The following ITPR2 variants were observed in gnomAD, a reference collection of about 807,000 sequenced individuals.
The protein encoded by ITPR2 is inositol 1,4,5-trisphosphate receptor type 2.
A neutral mutation model predicts 317.1 loss-of-function variants in ITPR2; 207 were observed. The observed-to-expected ratio is 0.65, with a 90% CI of 0.58 to 0.73. ITPR2 has a LOEUF of 0.73. ITPR2 is among the 30% of genes least tolerant of loss of function. The probability of loss-of-function intolerance (pLI) is 0.00; values close to 1 mark genes in which losing one functional copy is unlikely to be tolerated. For synonymous variants in ITPR2, 1,156 were observed against 1,149.1 expected (o/e 1.01, Z -0.12); for missense variants, 2,613 against 3,284.0 (o/e 0.80, Z 4.99).
intron 21 of ITPR2, among the ~76,000 whole-genome samples, chr12:26,632,354 C>T (rs1236611382): frequency 6.6e-6 from 1 of 152,178 alleles, no homozygotes; most frequent in Non-Finnish European, 1.5e-5. Flanking sequence ...CCTTCTGTAA[C>T]ACAGTATGTC....
At chr12:26,369,698 A>C (rs1318390135) in intron 55 of ITPR2, among the ~76,000 whole-genome samples, 1 of 152,152 alleles carries the variant, frequency 6.6e-6, no homozygotes, top group Non-Finnish European at 1.5e-5. Flanking sequence ...AAATGACAGA[A>C]GTTTCTGTGT....
Position 26,620,443 on chromosome 12 carries a change from T to C in ITPR2, c.3462+680A>G, listed in dbSNP as rs114279965. On this transcript the variant is annotated intron_variant, in intron 26 of 56. Transcript: ENST00000381340. ...ATGCCTGCAGATTAAAAAACAACTA[T>C]ATAAAACACCAGACAGGCATTTACA... Among the ~76,000 whole-genome samples, 1,397 of 152,312 alleles carry C rather than the reference T, an allele frequency of 9.2e-3. 20 individuals carry two copies. Among genetic ancestry groups the C allele is most frequent in the African/African-American group, 0.031 (1,308 of 41,566 alleles).
rs1330128747 is a variant in ITPR2, at chr12:26,461,621, CATATAAATATATATATAT to C, written c.6342+13657_6342+13674del. Reference sequence around the variant, plus strand: ...AAGCTGACAATAAGAAAAAGAAAAGCATATAAATATATATATATATATATATATATATATATATATATA... The same window carrying C: ...AAGCTGACAATAAGAAAAAGAAAAGCATATATATATATATATATATATATA... On this transcript the variant is annotated intron_variant, in intron 45 of 56. Coordinates refer to ENST00000381340, the MANE Select transcript of ITPR2 (RefSeq NM_002223.4). Among the ~76,000 whole-genome samples, 542 of 119,414 alleles carry C rather than the reference CATATAAATATATATATAT, an allele frequency of 4.5e-3. 7 individuals carry two copies. The highest frequency in any genetic ancestry group is 0.02 in the African/African-American group (485 of 24,486). The allele number at this position is 119,414 out of a possible 152,430, so 78.3% of individuals were successfully genotyped here.
At chr12:26,391,016 A>G (rs1939818005) in intron 54 of ITPR2, among the ~76,000 whole-genome samples, 1 of 152,192 alleles carries the variant, frequency 6.6e-6, no homozygotes, top group African/African-American at 2.4e-5. Context: ...AGAAGGGCAA[A>G]ATGAACTCTG....
intron 34 of ITPR2, among the ~76,000 whole-genome samples, chr12:26,566,244 G>A (rs1376512488): frequency 1.6e-5 from 2 of 125,124 alleles, no homozygotes; most frequent in African/African-American, 3.1e-5. Context: ...GGAAAGAGGA[G>A]AGGTGAGAGG....
intron 48 of ITPR2, among the ~76,000 whole-genome samples, chr12:26,435,749 T>C (rs1941335665): frequency 6.6e-6 from 1 of 152,180 alleles, no homozygotes; most frequent in South Asian, 2.1e-4. Flanking sequence ...GATAAACATT[T>C]AATTATCTTA....
At chr12:26,344,418 A>G (rs1029118097) in intron 55 of ITPR2, among the ~76,000 whole-genome samples, 7 of 152,244 alleles carry the variant, frequency 4.6e-5, no homozygotes, top group African/African-American at 1.7e-4. Flanking sequence ...GAAAACATCA[A>G]CCTGCAAAAA....
intron 37 of ITPR2, among the ~76,000 whole-genome samples, chr12:26,516,285 G>GGAAAGGAAAGGAAA (rs1943504362): frequency 4.7e-5 from 2 of 42,824 alleles, no homozygotes; most frequent in African/African-American, 2.4e-4. Flanking sequence ...GGGAAGGGAA[G>GGAAAGGAAAGGAAA]GGAAAGGAAA....
chr12:26,787,075 G>A (rs936702465), intron 2 of ITPR2, among the ~76,000 whole-genome samples: 7 of 152,208 alleles, frequency 4.6e-5, no homozygotes, highest in Admixed American at 4.6e-4. Flanking sequence ...GAGCCGTAAA[G>A]ACAAGCTATG....
chr12:26,636,329 T>C (rs574124550), intron 21 of ITPR2, among the ~76,000 whole-genome samples: 3 of 152,314 alleles, frequency 2.0e-5, no homozygotes, highest in African/African-American at 7.2e-5. Flanking sequence ...TCATATCATA[T>C]ATTTGTCTGT....
intron 5 of ITPR2, among the ~76,000 whole-genome samples, 171 bp from the exon 6 acceptor site, chr12:26,716,413 T>C (rs1241524251): frequency 6.6e-6 from 1 of 152,148 alleles, no homozygotes; most frequent in Non-Finnish European, 1.5e-5. Context: ...AAATATCTTC[T>C]AATAAATGAT....
At chr12:26,398,587 ATC>A (rs1260540363) in intron 54 of ITPR2, among the ~76,000 whole-genome samples, 1 of 152,254 alleles carries the variant, frequency 6.6e-6, no homozygotes, top group Non-Finnish European at 1.5e-5. Flanking sequence ...GTGATTAAAA[ATC>A]TGTTTGCCAG....
At chr12:26,650,639 G>A (rs1247202594) in intron 21 of ITPR2, among the ~76,000 whole-genome samples, 1 of 152,170 alleles carries the variant, frequency 6.6e-6, no homozygotes, top group Admixed American at 6.5e-5. Context: ...ACTCTTCATG[G>A]TGAAACACTG....
intron 21 of ITPR2, among the ~76,000 whole-genome samples, chr12:26,644,231 G>C (rs1179979004): frequency 2.0e-5 from 3 of 152,108 alleles, no homozygotes; most frequent in African/African-American, 7.2e-5. Context: ...TGGGCTCCTA[G>C]GCTGCCCCAG....
intron 18 of ITPR2, 42 bp downstream of exon 18, chr12:26,657,665 G>A (rs770289706): frequency 1.5e-5 from 23 of 1,534,856 alleles, no homozygotes; most frequent in Non-Finnish European, 2.0e-5. Context: ...CAATTAATAT[G>A]TGAGACTGGG....
chr12:26,457,726 C>T (rs763048862), intron 45 of ITPR2, among the ~76,000 whole-genome samples: 22 of 152,146 alleles, frequency 1.4e-4, no homozygotes, highest in South Asian at 4.1e-4. Flanking sequence ...GTTAGCATCA[C>T]GGACTCTGGA....
intron 37 of ITPR2, among the ~76,000 whole-genome samples, chr12:26,526,886 G>C (rs1943822365): frequency 6.6e-6 from 1 of 152,216 alleles, no homozygotes; most frequent in South Asian, 2.1e-4. Context: ...TTGGTGAGCA[G>C]CTTGGTGGAT....
At chr12:26,673,985 C>T (rs12819019) in intron 13 of ITPR2, among the ~76,000 whole-genome samples, 26,576 of 132,700 alleles carry the variant, frequency 0.2, 3,137 homozygotes, top group African/African-American at 0.33. Context: ...ATCCACCTTA[C>T]AAGGGATGTG....
At chr12:26,513,579 C>T (rs1943412129) in intron 37 of ITPR2, among the ~76,000 whole-genome samples, 1 of 152,014 alleles carries the variant, frequency 6.6e-6, no homozygotes, top group African/African-American at 2.4e-5. Flanking sequence ...TGACTTTGAG[C>T]ATAAGCCAGC....
Sources: allele counts gnomAD v4.1 joint callset (sites outside exome capture counted in the v4.1 genomes callset), GRCh38; gene constraint gnomAD v4.1.1; transcripts MANE v1.5; gene names NCBI Gene and HGNC (gene_info 2026-07-23, HGNC 2026-07-21).